OXCT1: variants seen among roughly 807,000 people sequenced by gnomAD.
OXCT1 encodes the protein succinyl-CoA:3-ketoacid coenzyme A transferase 1, mitochondrial.
OXCT1 carries 27 observed loss-of-function variants against 69.6 expected under a neutral mutation model. The observed-to-expected ratio is 0.39, with a 90% CI of 0.29 to 0.54. OXCT1 has a LOEUF of 0.54. OXCT1 is among the 20% of genes least tolerant of loss of function. The probability of loss-of-function intolerance (pLI) is 0.72; values close to 1 mark genes in which losing one functional copy is unlikely to be tolerated. For missense variants in OXCT1, 437 were observed against 650.2 expected (o/e 0.67, Z 3.57); for synonymous variants, 202 against 217.8 (o/e 0.93, Z 0.64).
At chr5:41,866,576 A>G (rs1247966138) in intron 1 of OXCT1, among the ~76,000 whole-genome samples, 3 of 152,226 alleles carry the variant, frequency 2.0e-5, no homozygotes, top group Non-Finnish European at 2.9e-5. Context: ...ATCACTCCCA[A>G]GAGGTAGTGA....
intron 16 of OXCT1, among the ~76,000 whole-genome samples, chr5:41,732,442 G>A (rs1742680909): frequency 6.6e-6 from 1 of 152,190 alleles, no homozygotes; most frequent in Non-Finnish European, 1.5e-5. Flanking sequence ...GACAATGAAT[G>A]TATATTTAAG....
intron 4 of OXCT1, among the ~76,000 whole-genome samples, chr5:41,851,336 A>T (rs1749163506): frequency 1.3e-5 from 2 of 152,214 alleles, no homozygotes; most frequent in Non-Finnish European, 2.9e-5. Context: ...AATCTTCCAG[A>T]TAACTGATTA....
At chr5:41,851,921 G>A (rs921543801) in intron 4 of OXCT1, among the ~76,000 whole-genome samples, 1 of 152,126 alleles carries the variant, frequency 6.6e-6, no homozygotes, top group African/African-American at 2.4e-5. Flanking sequence ...CTAGTCACCA[G>A]TGTGACTGTA....
At chr5:41,828,441 A>G (rs553467432) in intron 7 of OXCT1, among the ~76,000 whole-genome samples, 3 of 152,254 alleles carry the variant, frequency 2.0e-5, no homozygotes, top group African/African-American at 7.2e-5. Context: ...ACATTTCTAT[A>G]CATGAGAAAC....
At chr5:41,788,276 C>T (rs577015192) in intron 13 of OXCT1, among the ~76,000 whole-genome samples, 3 of 151,910 alleles carry the variant, frequency 2.0e-5, no homozygotes, top group South Asian at 2.1e-4. Flanking sequence ...TCAAAAAATA[C>T]GTAATTGATC....
intron 15 of OXCT1, among the ~76,000 whole-genome samples, chr5:41,743,498 T>C (rs1743299721): frequency 6.6e-6 from 1 of 152,246 alleles, no homozygotes; most frequent in African/African-American, 2.4e-5. Context: ...ATCCCATTTG[T>C]CAATTTTGGC....
intron 7 of OXCT1, among the ~76,000 whole-genome samples, chr5:41,831,160 A>G (rs1305263530): frequency 1.3e-5 from 2 of 152,228 alleles, no homozygotes; most frequent in African/African-American, 2.4e-5. Flanking sequence ...TATTGCCATT[A>G]TTCTCAAGAA....
chr5:41,806,291 G>A (rs1350172075), intron 8 of OXCT1, among the ~76,000 whole-genome samples: 1 of 152,004 alleles, frequency 6.6e-6, no homozygotes, highest in African/African-American at 2.4e-5. Context: ...ATGTCTTCCT[G>A]TTTGATATCT....
intron 13 of OXCT1, among the ~76,000 whole-genome samples, chr5:41,778,173 GTACTTACATAGC>G (rs528029812): frequency 2.1e-3 from 325 of 152,252 alleles, no homozygotes; most frequent in African/African-American, 7.5e-3. Flanking sequence ...TTAGAAATTG[GTACTTACATAGC>G]TAAATTTGGA....
intron 13 of OXCT1, among the ~76,000 whole-genome samples, chr5:41,763,002 T>C (rs1744421736): frequency 6.6e-6 from 1 of 152,074 alleles, no homozygotes; most frequent in Non-Finnish European, 1.5e-5. Context: ...TGAGGAGAAA[T>C]GTCTTTGAAC....
chr5:41,816,245 A>C (rs1341327113), intron 7 of OXCT1, among the ~76,000 whole-genome samples: 1 of 152,204 alleles, frequency 6.6e-6, no homozygotes, highest in East Asian at 1.9e-4. Flanking sequence ...AAGAAAATTA[A>C]GATGCCATGT....
intron 7 of OXCT1, among the ~76,000 whole-genome samples, chr5:41,838,584 G>A (rs1748484298): frequency 6.6e-6 from 1 of 151,708 alleles, no homozygotes; most frequent in South Asian, 2.1e-4. Context: ...AGCTTTGCTT[G>A]ATATGGGACT....
At position 41,870,189 on chromosome 5, in the gene OXCT1, G is replaced by A. The variant is rs978433898; in HGVS notation, c.78+92C>T. 7 of 972,602 alleles carry A rather than the reference G, an allele frequency of 7.2e-6. No homozygotes were observed. In the African/African-American group the frequency reaches 1.1e-4, roughly 16 times the overall value. The allele number at this position is 972,602 out of a possible 1,614,324, so 60.2% of individuals were successfully genotyped here. A position where few individuals can be genotyped will look rare whatever the true frequency, so the allele number is the denominator to read the frequency against. On this transcript the variant is annotated intron_variant, in intron 1 of 16. Coordinates refer to ENST00000196371, the MANE Select transcript of OXCT1 (RefSeq NM_000436.4). The surrounding 1 kb of genome is among the most constrained non-coding windows in gnomAD (Gnocchi z 4.2). Reference sequence around the variant, plus strand: ...GATGCCAGATCCCAGGCTGGAGAGAGCGGGTAGGGGCAGAGAAGAAAACGC... The same window carrying A: ...GATGCCAGATCCCAGGCTGGAGAGAACGGGTAGGGGCAGAGAAGAAAACGC...
rs543475484 is a variant in OXCT1, at chr5:41,770,609, C to T, written c.1249-8409G>A. On this transcript the variant is annotated intron_variant, in intron 13 of 16. Coordinates refer to ENST00000196371, the MANE Select transcript of OXCT1 (RefSeq NM_000436.4). ...TGCTTTTCACTAAGCATACAAAACT[C>T]CTGCTTTTAATAGCTTATAGGTCTT... Among the ~76,000 whole-genome samples the T allele has an allele frequency of 5.3e-5, 8 of 152,254 alleles. No individual in the cohort carries two copies. In the East Asian group the frequency reaches 1.5e-3, roughly 29 times the overall value.
At chr5:41,793,897 A>G in intron 13 of OXCT1, 106 bp downstream of exon 13, 1 of 752,586 alleles carries the variant, frequency 1.3e-6, no homozygotes, top group South Asian at 1.6e-5. Flanking sequence ...TATATATTAA[A>G]ATATTTCATT....
chr5:41,828,162 C>A (rs2112354051), intron 7 of OXCT1, among the ~76,000 whole-genome samples: 1 of 152,244 alleles, frequency 6.6e-6, no homozygotes, highest in Middle Eastern at 3.4e-3. Context: ...GGCTGGAGTG[C>A]ACTGGCAAAA....
intron 14 of OXCT1, among the ~76,000 whole-genome samples, chr5:41,758,885 G>T (rs957274840): frequency 6.6e-6 from 1 of 152,080 alleles, no homozygotes; most frequent in Non-Finnish European, 1.5e-5. Context: ...TAGCATGGAT[G>T]TATCTATGCA....
intron 13 of OXCT1, among the ~76,000 whole-genome samples, chr5:41,786,088 AG>A (rs1745628429): frequency 6.6e-6 from 1 of 152,208 alleles, no homozygotes; most frequent in Admixed American, 6.5e-5. Context: ...AGGATAGCCC[AG>A]GAAGAGGGAC....
At chr5:41,756,190 C>A (rs1744061964) in intron 14 of OXCT1, among the ~76,000 whole-genome samples, 1 of 152,048 alleles carries the variant, frequency 6.6e-6, no homozygotes, top group Non-Finnish European at 1.5e-5. Context: ...ATAGAGTTCT[C>A]ATTTTGTCTC....
Sources: gnomAD v4.1 joint callset for allele counts (sites outside exome capture counted in the v4.1 genomes callset) on GRCh38, gnomAD v4.1.1 for gene constraint, Gnocchi (gnomAD v3.1) non-coding constraint, MANE v1.5 for transcripts, NCBI Gene and HGNC (gene_info 2026-07-23, HGNC 2026-07-21) for gene names.